Variants in FOXP2 observed in about 807,000 individuals in gnomAD.
FOXP2 encodes forkhead box protein P2.
A neutral mutation model predicts 115.8 loss-of-function variants in FOXP2; 12 were observed. That is an observed-to-expected ratio of 0.10 (90% CI 0.07 to 0.17). The LOEUF (loss-of-function observed/expected upper bound fraction) is 0.17, where lower values mean the gene tolerates loss of function less well. Ranked by LOEUF, FOXP2 falls within the 10% of genes least tolerant of loss-of-function variation. The pLI is 1.00. For synonymous variants in FOXP2, 328 were observed against 297.7 expected (o/e 1.10, Z -1.05); for missense variants, 629 against 843.5 (o/e 0.75, Z 3.15).
intron 3 of FOXP2, among the ~76,000 whole-genome samples, chr7:114,541,782 C>CAA (rs1164488024): frequency 6.6e-6 from 1 of 151,080 alleles, no homozygotes; most frequent in African/African-American, 2.4e-5. Flanking sequence ...CTTAGCTACC[C>CAA]AAGCACTTGC....
At chr7:114,584,347 G>A (rs1351986691) in intron 3 of FOXP2, among the ~76,000 whole-genome samples, 1 of 151,990 alleles carries the variant, frequency 6.6e-6, no homozygotes, top group East Asian at 1.9e-4. Flanking sequence ...ATAAACCACT[G>A]ATTTTCAGCT....
intron 2 of FOXP2, among the ~76,000 whole-genome samples, chr7:114,320,783 C>T (rs1390043629): frequency 6.6e-6 from 1 of 152,074 alleles, no homozygotes; most frequent in East Asian, 1.9e-4. Context: ...AGAGGGACAA[C>T]CTTCTCAACT....
intron 3 of FOXP2, among the ~76,000 whole-genome samples, chr7:114,625,717 G>C (rs1804531734): frequency 6.6e-6 from 1 of 151,624 alleles, no homozygotes; most frequent in Admixed American, 6.6e-5. Flanking sequence ...CAAGTGGACG[G>C]GTCTGCAATA....
At chr7:114,332,408 G>T (rs1797735492) in intron 2 of FOXP2, among the ~76,000 whole-genome samples, 1 of 152,130 alleles carries the variant, frequency 6.6e-6, no homozygotes. Context: ...GCTGCATGAG[G>T]AGGGTTCTCT....
intron 1 of FOXP2, among the ~76,000 whole-genome samples, chr7:114,167,371 G>A (rs1483658747): frequency 6.6e-6 from 1 of 152,186 alleles, no homozygotes; most frequent in Non-Finnish European, 1.5e-5. Context: ...ACAGGCATAT[G>A]CTATTTTGTG....
At chr7:114,198,114 T>A (rs1793960479) in intron 1 of FOXP2, among the ~76,000 whole-genome samples, 1 of 152,148 alleles carries the variant, frequency 6.6e-6, no homozygotes, top group Non-Finnish European at 1.5e-5. Flanking sequence ...TCCGCCCATG[T>A]CAGCCTCCCA....
intron 2 of FOXP2, among the ~76,000 whole-genome samples, chr7:114,308,682 G>A (rs1584625328): frequency 6.6e-6 from 1 of 152,150 alleles, no homozygotes; most frequent in Admixed American, 6.5e-5. Flanking sequence ...TAGAAGCATG[G>A]ACTGTTCATC....
chr7:114,252,264 G>A (rs1795467402), intron 1 of FOXP2, among the ~76,000 whole-genome samples: 1 of 151,994 alleles, frequency 6.6e-6, no homozygotes, highest in African/African-American at 2.4e-5. Context: ...TTTTTTCGTT[G>A]TGTGTCTGCC....
At chr7:114,294,357 T>C (rs1289121564) in intron 2 of FOXP2, among the ~76,000 whole-genome samples, 1 of 152,174 alleles carries the variant, frequency 6.6e-6, no homozygotes, top group African/African-American at 2.4e-5. Context: ...CTGATAGTTT[T>C]CTGCTATCTT....
At chr7:114,197,189 C>T (rs1446807938) in intron 1 of FOXP2, among the ~76,000 whole-genome samples, 3 of 152,148 alleles carry the variant, frequency 2.0e-5, no homozygotes, top group Non-Finnish European at 4.4e-5. Flanking sequence ...CACAGTGAGA[C>T]CCTGTCTCAA....
At chr7:114,508,308 G>A (rs1490789705) in intron 2 of FOXP2, among the ~76,000 whole-genome samples, 1 of 152,004 alleles carries the variant, frequency 6.6e-6, no homozygotes, top group African/African-American at 2.4e-5. Flanking sequence ...TTCCCTGGCA[G>A]AGGGATCATC....
chr7:114,563,017 G>A (rs747949034), intron 3 of FOXP2, among the ~76,000 whole-genome samples: 94 of 152,110 alleles, frequency 6.2e-4, no homozygotes, highest in Non-Finnish European at 9.9e-4. Context: ...AGGAGTAAAG[G>A]CACATCTTAC....
At chr7:114,274,347 A>G (rs1796131625) in intron 1 of FOXP2, among the ~76,000 whole-genome samples, 1 of 152,100 alleles carries the variant, frequency 6.6e-6, no homozygotes, top group Admixed American at 6.6e-5. Flanking sequence ...AGATCAATTA[A>G]GCATAAGAAA....
At chr7:114,367,726 A>T (rs1791914311) in intron 2 of FOXP2, among the ~76,000 whole-genome samples, 1 of 152,110 alleles carries the variant, frequency 6.6e-6, no homozygotes, top group African/African-American at 2.4e-5. Flanking sequence ...TACTAACACT[A>T]CTTTCTAATT....
intron 2 of FOXP2, among the ~76,000 whole-genome samples, chr7:114,328,976 C>G (rs1797629115): frequency 6.6e-6 from 1 of 152,120 alleles, no homozygotes; most frequent in African/African-American, 2.4e-5. Context: ...ACGAAGTTAT[C>G]TTTTTTTGTG....
intron 1 of FOXP2, among the ~76,000 whole-genome samples, chr7:114,169,866 G>A (rs1562990167): frequency 6.6e-6 from 1 of 152,118 alleles, no homozygotes; most frequent in Non-Finnish European, 1.5e-5. Context: ...GAGATCTGAT[G>A]GTTTTAAGAA....
At chr7:114,263,477 C>T (rs879731369) in intron 1 of FOXP2, among the ~76,000 whole-genome samples, 9 of 147,058 alleles carry the variant, frequency 6.1e-5, no homozygotes, top group East Asian at 2.0e-4. Flanking sequence ...TTATTGAGAC[C>T]GGGTGTTGCT....
At chr7:114,630,105 C>A in intron 5 of FOXP2, 100 bp downstream of exon 5, 2 of 1,590,166 alleles carry the variant, frequency 1.3e-6, no homozygotes, top group Non-Finnish European at 1.7e-6. Flanking sequence ...AAGGCTCTTG[C>A]TGTCAAAGTT....
At chr7:114,182,239 A>C (rs151039797) in intron 1 of FOXP2, among the ~76,000 whole-genome samples, 2 of 152,144 alleles carry the variant, frequency 1.3e-5, no homozygotes, top group East Asian at 3.9e-4. Flanking sequence ...TCAAACAGTA[A>C]TGTAACTGAT....
Sources: gnomAD v4.1 joint callset for allele counts (sites outside exome capture counted in the v4.1 genomes callset) on GRCh38, gnomAD v4.1.1 for gene constraint, MANE v1.5 for transcripts, NCBI Gene and HGNC (gene_info 2026-07-23, HGNC 2026-07-21) for gene names.